Variants in PTPRN2 observed in about 807,000 individuals in gnomAD.
PTPRN2 encodes the protein protein tyrosine phosphatase receptor type N2, also known as receptor-type tyrosine-protein phosphatase N2.
PTPRN2 carries 74 observed loss-of-function variants against 118.8 expected under a neutral mutation model. That is an observed-to-expected ratio of 0.62 (90% CI 0.52 to 0.76). The LOEUF (loss-of-function observed/expected upper bound fraction) is 0.76. Ranked by LOEUF, PTPRN2 falls within the 30% of genes least tolerant of loss-of-function variation. The pLI, the probability that PTPRN2 is intolerant of heterozygous loss-of-function variation, is 0.00. For missense variants in PTPRN2, 1,481 were observed against 1,394.4 expected (o/e 1.06, Z -0.99); for synonymous variants, 641 against 608.0 (o/e 1.05, Z -0.80).
chr7:157,576,892 A>C lies in PTPRN2; in HGVS notation c.2617-113T>G, dbSNP rs569492554. ...CTGACCAGAGAAGGGGGCGCTGCGAAGAGGGCACATTTTACAGCGCAGGTG... is the reference window on the plus strand; with the variant it reads ...CTGACCAGAGAAGGGGGCGCTGCGACGAGGGCACATTTTACAGCGCAGGTG... On this transcript the variant is annotated intron_variant, in intron 18 of 22. Transcript: ENST00000389418. 5 of 1,120,958 alleles carry C rather than the reference A, an allele frequency of 4.5e-6. No individual in the cohort carries two copies. In the East Asian group the frequency reaches 1.3e-4, roughly 29 times the overall value. 69.4% of individuals were successfully genotyped at this position (1,120,958 alleles called of 1,614,324 possible).
intron 2 of PTPRN2, among the ~76,000 whole-genome samples, chr7:158,362,766 G>A (rs1261631605): frequency 6.6e-6 from 1 of 152,216 alleles, no homozygotes; most frequent in Non-Finnish European, 1.5e-5. Context: ...GAGAGGTAGT[G>A]GAGAAGGAAG....
At chr7:158,482,832 T>C (rs981471678) in intron 2 of PTPRN2, among the ~76,000 whole-genome samples, 2 of 151,172 alleles carry the variant, frequency 1.3e-5, no homozygotes, top group African/African-American at 4.9e-5. Context: ...AATGTTTATA[T>C]AGACTGGATT....
At chr7:158,368,896 C>G (rs1194456252) in intron 2 of PTPRN2, among the ~76,000 whole-genome samples, 4 of 152,150 alleles carry the variant, frequency 2.6e-5, no homozygotes, top group Non-Finnish European at 5.9e-5. Context: ...TGAGTGTCAA[C>G]TTGATTGGAT....
At position 157,831,669 on chromosome 7, in the gene PTPRN2, T is replaced by C. The variant is rs1243873261; in HGVS notation, c.1788+67004A>G. 6.6e-6 allele frequency among the ~76,000 whole-genome samples: 1 copy of C among 152,140 alleles called. No homozygotes were observed. Among genetic ancestry groups the C allele is most frequent in the Non-Finnish European group, 1.5e-5 (1 of 68,006 alleles). On this transcript the variant is annotated intron_variant, in intron 12 of 22. Transcript: ENST00000389418. This position sits in a 1 kb window ranked among gnomAD's most constrained non-coding sequence, Gnocchi z 4.8. ...CCTTATTGGGAGTCTACACAGGTGT[T>C]CTGCACTGAGCTCCCCTCTACTTCG...
chr7:157,820,704 C>A (rs1489938310), intron 12 of PTPRN2, among the ~76,000 whole-genome samples: 2 of 152,222 alleles, frequency 1.3e-5, no homozygotes, highest in Non-Finnish European at 1.5e-5. Flanking sequence ...GGGGAGTGAT[C>A]TGGGAAGTGG....
intron 2 of PTPRN2, among the ~76,000 whole-genome samples, chr7:158,484,613 T>C (rs1454651244): frequency 1.3e-5 from 2 of 152,230 alleles, no homozygotes; most frequent in Non-Finnish European, 2.9e-5. Flanking sequence ...TCTGCCCGCC[T>C]CGGCCTCCTG....
rs574947795 is a variant in PTPRN2, at chr7:158,174,184, T to G, written c.550-6893A>C. ...TTATGAAAGTACTAATTTTGGGAAC[T>G]GATAAATGTCCATGAAGTCTTCACA... is the stretch of plus-strand genomic sequence containing the variant. On this transcript the variant is annotated intron_variant, in intron 5 of 22. Transcript: ENST00000389418. Among the ~76,000 whole-genome samples the G allele has an allele frequency of 1.6e-3, 248 of 152,338 alleles. 1 individual carries two copies. The highest frequency in any genetic ancestry group is 2.7e-3 in the Non-Finnish European group (185 of 68,036).
chr7:157,761,652 A>G (rs1336633532), intron 12 of PTPRN2, among the ~76,000 whole-genome samples: 1 of 148,414 alleles, frequency 6.7e-6, no homozygotes, highest in African/African-American at 2.5e-5. Context: ...AAACCCTAGA[A>G]GAAAACCTAG....
chr7:157,795,531 C>T (rs1229487384), intron 12 of PTPRN2, among the ~76,000 whole-genome samples: 4 of 152,214 alleles, frequency 2.6e-5, no homozygotes, highest in South Asian at 4.1e-4. Context: ...ATTTACAAGT[C>T]GCATGAGAAA....
intron 11 of PTPRN2, among the ~76,000 whole-genome samples, chr7:158,023,120 T>C (rs1268297079): frequency 6.6e-6 from 1 of 152,246 alleles, no homozygotes; most frequent in Admixed American, 6.5e-5. Flanking sequence ...CTCATTCATC[T>C]TGGAAAACTC....
intron 18 of PTPRN2, among the ~76,000 whole-genome samples, chr7:157,577,383 C>T (rs1325614769): frequency 6.6e-6 from 1 of 152,222 alleles, no homozygotes; most frequent in East Asian, 1.9e-4. Context: ...TTGGCATTCT[C>T]ACTCATTTAA....
In PTPRN2 at chr7:157,845,247, G is replaced by GA. The variant is rs1383121852; in HGVS notation, c.1788+53425dup. On this transcript the variant is annotated intron_variant, in intron 12 of 22. Coordinates refer to ENST00000389418, the MANE Select transcript of PTPRN2 (RefSeq NM_002847.5). The surrounding 1 kb of genome is among the most constrained non-coding windows in gnomAD (Gnocchi z 4.5). The stretch of plus-strand genomic sequence containing the variant: ...CACTAGCACCCTTAGCCAGCTGTAG[G>GA]AAAAAAATGCATGGCAGATACTCGA... Among the ~76,000 whole-genome samples, 3 of 152,102 alleles carry GA rather than the reference G, an allele frequency of 2.0e-5. No homozygotes were observed. The highest frequency in any genetic ancestry group is 4.8e-5 in the African/African-American group (2 of 41,418).
intron 12 of PTPRN2, among the ~76,000 whole-genome samples, chr7:157,727,892 T>C (rs564031162): frequency 2.0e-5 from 3 of 152,252 alleles, no homozygotes; most frequent in African/African-American, 7.2e-5. Context: ...CACTGCTGCA[T>C]CTCTGGCTGC....
intron 14 of PTPRN2, among the ~76,000 whole-genome samples, chr7:157,648,535 C>G (rs1373055538): frequency 4.5e-5 from 6 of 133,546 alleles, no homozygotes; most frequent in Non-Finnish European, 7.9e-5. Flanking sequence ...GTGGGTCAGA[C>G]CCTTTCACTG....
chr7:158,490,642 C>T (rs1196454109), intron 1 of PTPRN2, among the ~76,000 whole-genome samples: 1 of 152,262 alleles, frequency 6.6e-6, no homozygotes, highest in Non-Finnish European at 1.5e-5. Context: ...CCCAGGGCCA[C>T]TAGGCGGGAG....
intron 11 of PTPRN2, among the ~76,000 whole-genome samples, chr7:158,046,702 G>C (rs1400099044): frequency 6.6e-6 from 1 of 152,186 alleles, no homozygotes; most frequent in African/African-American, 2.4e-5. Flanking sequence ...CTGGGTGTCA[G>C]AACACAGGGA....
chr7:158,404,115 G>A lies in PTPRN2; in HGVS notation c.163+85620C>T, dbSNP rs953007884. 1.1e-4 allele frequency among the ~76,000 whole-genome samples: 16 copies of A among 152,180 alleles called. 1 individual carries two copies. The highest frequency in any genetic ancestry group is 2.9e-4 in the African/African-American group (12 of 41,448). ...ACTTTCTATAATAAAAGGTATCGCC[G>A]TGACAATAGGAGAGATCAACTTTAC... On this transcript the variant is annotated intron_variant, in intron 2 of 22. Transcript: ENST00000389418.
Position 158,316,900 on chromosome 7 carries a change from C to T in PTPRN2, c.196G>A (p.Ala66Thr). The T allele has an allele frequency of 1.2e-6, 2 of 1,612,828 alleles. No homozygotes were observed. Among genetic ancestry groups the T allele is most frequent in the Non-Finnish European group, 1.7e-6 (2 of 1,179,934 alleles). Reference protein sequence around the residue: ...GVFGRCQKVPAMDFYRYEVSP... With the variant: ...GVFGRCQKVPTMDFYRYEVSP... ...ACCTCGTAGCGGTAAAAGTCCATTG[C>T]CGGAACCTTCTGGCACCTTCCAAAC... Residue 66 changes from alanine to threonine, a missense_variant, in exon 3 of 23, where the codon GCA (alanine) becomes ACA (threonine). Physicochemically the swap from Ala to Thr is moderately conservative, Grantham distance 58. Transcript: ENST00000389418.
chr7:157,568,947 C>G lies in PTPRN2; in HGVS notation c.2857G>C (p.Gly953Arg). 1 of 1,578,228 alleles carries G rather than the reference C, an allele frequency of 6.3e-7. No individual in the cohort carries two copies. The highest frequency in any genetic ancestry group is 8.7e-7 in the Non-Finnish European group (1 of 1,147,568). ...ACCATGTCGATCAGGACGTAGGTGC[C>G]GCTCCGGCCTGCACCGTCACTGCCA... Reference protein sequence around the residue: ...VHCSDGAGRSGTYVLIDMVLN... With the variant: ...VHCSDGAGRSRTYVLIDMVLN... The change falls in exon 21 of 23, where the codon GGC becomes CGC. Residue 953 changes from glycine to arginine, a missense_variant. Coordinates refer to ENST00000389418, the MANE Select transcript of PTPRN2 (RefSeq NM_002847.5).
Sources: allele counts gnomAD v4.1 joint callset (sites outside exome capture counted in the v4.1 genomes callset), GRCh38; gene constraint gnomAD v4.1.1; non-coding constraint Gnocchi (gnomAD v3.1); transcripts MANE v1.5; gene names NCBI Gene and HGNC (gene_info 2026-07-23, HGNC 2026-07-21).